The following KLHL14 variants were observed in gnomAD, a reference collection of about 807,000 sequenced individuals.
KLHL14 encodes the protein kelch-like protein 14.
In KLHL14, 22 loss-of-function variants were observed where a neutral mutation model predicts 64.3. The observed-to-expected ratio is 0.34, with a 90% confidence interval of 0.24 to 0.49. The LOEUF (loss-of-function observed/expected upper bound fraction) is 0.49. Among genes scored for constraint, KLHL14 ranks in the 20% least tolerant of loss-of-function variants. The pLI, the probability that KLHL14 is intolerant of heterozygous loss-of-function variation, is 0.99. For missense variants in KLHL14, 661 were observed against 789.0 expected (o/e 0.84, Z 1.94); for synonymous variants, 322 against 333.4 (o/e 0.97, Z 0.37).
intron 3 of KLHL14, among the ~76,000 whole-genome samples, chr18:32,710,075 G>C (rs183334107): frequency 6.6e-6 from 1 of 152,292 alleles, no homozygotes; most frequent in East Asian, 1.9e-4. Flanking sequence ...TTCTTCATCA[G>C]TAAAATGTTG....
At chr18:32,677,462 A>G (rs1421099218) in intron 7 of KLHL14, 132 bp from the exon 8 acceptor site, 1 of 787,340 alleles carries the variant, frequency 1.3e-6, no homozygotes, top group East Asian at 2.7e-5. Context: ...AAATGCATAA[A>G]TTCACTGAGA....
In KLHL14 at chr18:32,677,063, A is replaced by G. The variant is rs942526993; in HGVS notation, c.1746+110T>C. Reference sequence around the variant, plus strand: ...TAAAGCAACTGACTGCTTGCATGTAAGTATGATACTCTTAAAAGGTACATG... The same window carrying G: ...TAAAGCAACTGACTGCTTGCATGTAGGTATGATACTCTTAAAAGGTACATG... On this transcript the variant is annotated intron_variant, in intron 8 of 8. Coordinates refer to ENST00000359358, the MANE Select transcript of KLHL14 (RefSeq NM_020805.3). The G allele has an allele frequency of 3.4e-6, 4 of 1,167,330 alleles. 1 individual carries two copies. The Admixed American group carries it at 7.1e-5, about 21-fold the overall frequency. 72.3% of individuals were successfully genotyped at this position (1,167,330 alleles called of 1,614,324 possible). A position where few individuals can be genotyped will look rare whatever the true frequency, so the allele number is the denominator to read the frequency against.
intron 4 of KLHL14, among the ~76,000 whole-genome samples, chr18:32,691,808 T>A (rs1206709547): frequency 6.6e-6 from 1 of 152,170 alleles, no homozygotes; most frequent in Non-Finnish European, 1.5e-5. Flanking sequence ...TTTCTCATCC[T>A]TTTCATTTTT....
At chr18:32,713,845 T>A (rs2050032070) in intron 3 of KLHL14, among the ~76,000 whole-genome samples, 3 of 152,212 alleles carry the variant, frequency 2.0e-5, no homozygotes, top group African/African-American at 7.2e-5. Flanking sequence ...TTGTTTTTGC[T>A]GTTATAAACA....
At chr18:32,696,022 T>C (rs905009056) in intron 3 of KLHL14, among the ~76,000 whole-genome samples, 1 of 152,170 alleles carries the variant, frequency 6.6e-6, no homozygotes, top group Non-Finnish European at 1.5e-5. Flanking sequence ...GCTTGGTCGC[T>C]TTCTATTCCA....
At chr18:32,747,018 T>C (rs756983430) in intron 2 of KLHL14, among the ~76,000 whole-genome samples, 5 of 152,356 alleles carry the variant, frequency 3.3e-5, no homozygotes, top group African/African-American at 9.6e-5. Flanking sequence ...CTACATAATA[T>C]AGAAATCCTT....
At chr18:32,681,851 C>T (rs1367430946) in intron 5 of KLHL14, among the ~76,000 whole-genome samples, 2 of 152,102 alleles carry the variant, frequency 1.3e-5, no homozygotes, top group African/African-American at 2.4e-5. Context: ...CGGTGATTAA[C>T]GATTTGGCTT....
intron 2 of KLHL14, among the ~76,000 whole-genome samples, chr18:32,754,257 T>G (rs1044371694): frequency 1.3e-5 from 2 of 152,192 alleles, no homozygotes; most frequent in African/African-American, 4.8e-5. Context: ...AGCCCAATTA[T>G]TAGACTATGC....
Position 32,687,212 on chromosome 18 carries a change from A to C in KLHL14, c.1181T>G (p.Val394Gly), listed in dbSNP as rs1219572932. 3.7e-6 allele frequency: 6 copies of C among 1,613,892 alleles called. No homozygotes were observed. The South Asian group carries it at 6.6e-5, about 18-fold the overall frequency. The part of the protein sequence containing the change: ...NPNGKHSTNF[V>G]SRYDPRFNSW... ...ATTAAATCGAGGATCATATCGGCTG[A>C]CAAAATTTGTACTGTGTTTTCCTGT... is the stretch of plus-strand genomic sequence containing the variant. The change falls in exon 5 of 9, where the codon GTC becomes GGC. Residue 394 changes from valine (V) to glycine (G), a missense_variant. Around this residue, in one of 2 missense-constraint regions of KLHL14, gnomAD observed 330 missense variants for 450.0 expected, o/e 0.73. Coordinates refer to ENST00000359358, the MANE Select transcript of KLHL14 (RefSeq NM_020805.3).
At chr18:32,771,694 G>T (rs1432391236) in intron 1 of KLHL14, among the ~76,000 whole-genome samples, 2 of 151,928 alleles carry the variant, frequency 1.3e-5, no homozygotes. Flanking sequence ...TCGTGTGCAC[G>T]GTTTCCCCTC....
At chr18:32,737,007 G>A (rs1170645591) in intron 3 of KLHL14, among the ~76,000 whole-genome samples, 1 of 152,068 alleles carries the variant, frequency 6.6e-6, no homozygotes, top group Non-Finnish European at 1.5e-5. Context: ...CCAACACAGA[G>A]TGGGTATTCA....
Position 32,680,309 on chromosome 18 carries a change from T to G in KLHL14, c.1448A>C (p.Glu483Ala), listed in dbSNP as rs138889729. The stretch of plus-strand genomic sequence containing the variant: ...ATAGCAATATAGCCATGGGACATAT[T>G]CTCCATTGTGTACACCCCCTGTGAA... ...IYISGGVHNG[E>A]YVPWLYCYDP... Residue 483 changes from glutamate to alanine, a missense_variant, in exon 7 of 9, where the codon GAA becomes GCA. Coordinates refer to ENST00000359358, the MANE Select transcript of KLHL14 (RefSeq NM_020805.3). This position sits in a 1 kb window ranked among gnomAD's most constrained non-coding sequence, Gnocchi z 4.8. The G allele has an allele frequency of 1.9e-6, 3 of 1,613,916 alleles. No individual in the cohort carries two copies. The highest frequency in any genetic ancestry group is 2.5e-6 in the Non-Finnish European group (3 of 1,179,856).
In KLHL14 at chr18:32,770,459, G is replaced by A. The variant is rs1344696449; in HGVS notation, c.133C>T (p.His45Tyr). ...VTLTAQGQQF[H>Y]CHKAVLASCS... ...GAGGCCAGCACGGCCTTGTGGCAAT[G>A]GAACTGCTGGCCCTGGGCCGTCAGG... Residue 45 changes from histidine (H) to tyrosine (Y), a missense_variant, in exon 2 of 9, where the codon CAT becomes TAT. By Grantham distance (83) the His-to-Tyr change is moderately conservative. Around this residue, in one of 2 missense-constraint regions of KLHL14, gnomAD observed 331 missense variants for 339.0 expected, o/e 0.98. Transcript: ENST00000359358. The surrounding 1 kb of genome is among the most constrained non-coding windows in gnomAD (Gnocchi z 6.7). 1.2e-6 allele frequency: 2 copies of A among 1,612,712 alleles called. No individual in the cohort carries two copies. Among genetic ancestry groups the A allele is most frequent in the South Asian group, 2.2e-5 (2 of 91,016 alleles).
chr18:32,716,590 G>A (rs1461624399), intron 3 of KLHL14, among the ~76,000 whole-genome samples: 2 of 151,904 alleles, frequency 1.3e-5, no homozygotes, highest in African/African-American at 4.8e-5. Context: ...AATTTTTTTT[G>A]TATGTTTGAG....
chr18:32,708,142 G>A (rs2049999652), intron 3 of KLHL14, among the ~76,000 whole-genome samples: 1 of 152,164 alleles, frequency 6.6e-6, no homozygotes, highest in Non-Finnish European at 1.5e-5. Context: ...ATTATGGATG[G>A]ATGGATGTAT....
chr18:32,689,530 A>C (rs1438003731), intron 4 of KLHL14, among the ~76,000 whole-genome samples: 1 of 152,098 alleles, frequency 6.6e-6, no homozygotes, highest in Non-Finnish European at 1.5e-5. Context: ...AGTGCAGACT[A>C]CTCAGGAGAG....
chr18:32,769,183 G>C (rs8084642), intron 2 of KLHL14, among the ~76,000 whole-genome samples: 1 of 151,910 alleles, frequency 6.6e-6, no homozygotes. Context: ...TGCAAGCATC[G>C]CCTGGGCTCT....
At position 32,732,876 on chromosome 18, in the gene KLHL14, T is replaced by G. The variant is rs147759630; in HGVS notation, c.1069+9052A>C. Among the ~76,000 whole-genome samples the G allele has an allele frequency of 1.1e-4, 16 of 152,300 alleles. No individual in the cohort carries two copies. The East Asian group carries it at 2.5e-3, about 24-fold the overall frequency. ...TGGATATCATGGTGAGAAAAATCAC[T>G]GGGTACAACTGTTATTTGCTCTTAC... On this transcript the variant is annotated intron_variant, in intron 3 of 8. Transcript: ENST00000359358.
At chr18:32,709,415 C>A (rs569166829) in intron 3 of KLHL14, among the ~76,000 whole-genome samples, 110 of 152,014 alleles carry the variant, frequency 7.2e-4, no homozygotes, top group Non-Finnish European at 1.4e-3. Flanking sequence ...CCTTACCCTT[C>A]TTTTGTGATA....
Sources: allele counts gnomAD v4.1 joint callset (sites outside exome capture counted in the v4.1 genomes callset), GRCh38; gene constraint gnomAD v4.1.1; regional missense constraint gnomAD v4.1.1; non-coding constraint Gnocchi (gnomAD v3.1); transcripts MANE v1.5; gene names NCBI Gene and HGNC (gene_info 2026-07-23, HGNC 2026-07-21).